Variants in ITSN1 observed in about 807,000 individuals in gnomAD.
ITSN1 encodes intersectin-1.
In ITSN1, 58 loss-of-function variants were observed where a neutral mutation model predicts 239.8. The ratio of observed to expected loss-of-function variants is 0.24; its 90% confidence interval spans 0.20 to 0.30. ITSN1 has a LOEUF of 0.30. ITSN1 is among the 10% of genes least tolerant of loss of function. The pLI, the probability that ITSN1 is intolerant of heterozygous loss-of-function variation, is 1.00. For synonymous variants in ITSN1, 780 were observed against 770.8 expected, an observed-to-expected ratio of 1.01 and a Z score of -0.20; for missense variants, 1,558 against 2,103.3, an observed-to-expected ratio of 0.74 and a Z score of 5.07.
chr21:33,789,790 A>G (rs2070962940), intron 16 of ITSN1, among the ~76,000 whole-genome samples: 1 of 152,248 alleles, frequency 6.6e-6, no homozygotes, highest in Non-Finnish European at 1.5e-5. Flanking sequence ...TTAGCAATAG[A>G]ACAAACTTCT....
At chr21:33,799,286 A>G (rs938184708) in intron 18 of ITSN1, among the ~76,000 whole-genome samples, 2 of 152,232 alleles carry the variant, frequency 1.3e-5, no homozygotes, top group East Asian at 1.9e-4. Flanking sequence ...GATTATCAGT[A>G]TAACCAAAAT....
chr21:33,744,820 T>A (rs1191993160), intron 5 of ITSN1, among the ~76,000 whole-genome samples: 2 of 152,246 alleles, frequency 1.3e-5, no homozygotes, highest in African/African-American at 4.8e-5. Flanking sequence ...TGTAAATTTA[T>A]GACTCAATAA....
At chr21:33,839,964 C>T (rs989445634) in intron 29 of ITSN1, among the ~76,000 whole-genome samples, 1 of 152,156 alleles carries the variant, frequency 6.6e-6, no homozygotes, top group Admixed American at 6.5e-5. Context: ...GTCACCAGAG[C>T]TGAGGTTGAG....
At chr21:33,801,259 GGT>G (rs1430774199) in intron 19 of ITSN1, among the ~76,000 whole-genome samples, 1 of 152,118 alleles carries the variant, frequency 6.6e-6, no homozygotes, top group East Asian at 1.9e-4. Flanking sequence ...TATAAAGGGT[GGT>G]GTACAGGTGA....
intron 5 of ITSN1, among the ~76,000 whole-genome samples, chr21:33,741,365 A>G (rs2066837342): frequency 6.6e-6 from 1 of 152,236 alleles, no homozygotes; most frequent in Non-Finnish European, 1.5e-5. Context: ...ATAATCTTAG[A>G]AAATTTTGGA....
At chr21:33,655,662 ACCCAAAGTGATCTGCCTGCTTTGACCT>A (rs2088994802) in intron 1 of ITSN1, among the ~76,000 whole-genome samples, 2 of 147,804 alleles carry the variant, frequency 1.4e-5, no homozygotes, top group South Asian at 4.2e-4. Context: ...TGAACGCCTG[ACCCAAAGTGATCTGCCTGCTTTGACCT>A]CCCAAAGTGC....
intron 12 of ITSN1, among the ~76,000 whole-genome samples, chr21:33,773,629 C>T (rs2069355251): frequency 6.6e-6 from 1 of 151,876 alleles, no homozygotes; most frequent in Non-Finnish European, 1.5e-5. Context: ...GCCTAGGTGA[C>T]AGAGCAAGAA....
At chr21:33,847,162 TTGAGA>T (rs1450446038) in intron 29 of ITSN1, among the ~76,000 whole-genome samples, 2 of 152,176 alleles carry the variant, frequency 1.3e-5, no homozygotes, top group Non-Finnish European at 2.9e-5. Context: ...GAAAGTTCCA[TTGAGA>T]TGAGAAGTCC....
chr21:33,706,307 C>A (rs116905642), intron 1 of ITSN1, among the ~76,000 whole-genome samples: 1 of 152,114 alleles, frequency 6.6e-6, no homozygotes, highest in Non-Finnish European at 1.5e-5. Context: ...GCATGAGCCA[C>A]CAAGTTTTTA....
chr21:33,767,857 C>A, intron 11 of ITSN1, 29 bp downstream of exon 11: 1 of 1,230,966 alleles, frequency 8.1e-7, no homozygotes, highest in South Asian at 1.3e-5. Context: ...TGAGTTAAAT[C>A]ATTTAGATTA....
In ITSN1 at chr21:33,693,709, C is replaced by G. The variant is rs150510953; in HGVS notation, c.-32-25088C>G. ...GCTGTTCCCACTTGTGTCTATATAG[C>G]ACTCCTAATTTAAATCATACACACT... On this transcript the variant is annotated intron_variant, in intron 1 of 39. Transcript: ENST00000381318. 8.9e-3 allele frequency among the ~76,000 whole-genome samples: 1,355 copies of G among 152,260 alleles called. 72 individuals are homozygous for G. Among genetic ancestry groups the G allele is most frequent in the Admixed American group, 0.078 (1,189 of 15,290 alleles).
intron 34 of ITSN1, among the ~76,000 whole-genome samples, chr21:33,879,266 G>A (rs1463240307): frequency 2.6e-5 from 4 of 152,130 alleles, no homozygotes; most frequent in South Asian, 2.1e-4. Context: ...CAGGAGGATC[G>A]CTTGAGCCCA....
intron 4 of ITSN1, among the ~76,000 whole-genome samples, chr21:33,731,417 T>A (rs1335873729): frequency 6.6e-6 from 1 of 152,228 alleles, no homozygotes; most frequent in Non-Finnish European, 1.5e-5. Context: ...TTTAAATAGT[T>A]GCGTATCTTT....
chr21:33,786,443 C>T (rs901210880), intron 16 of ITSN1, among the ~76,000 whole-genome samples: 25 of 152,198 alleles, frequency 1.6e-4, no homozygotes, highest in African/African-American at 6.0e-4. Context: ...GTTTTTCTTA[C>T]ACACAGTGCT....
chr21:33,884,588 G>A (rs927604062), intron 36 of ITSN1, among the ~76,000 whole-genome samples: 7 of 152,194 alleles, frequency 4.6e-5, no homozygotes, highest in East Asian at 1.9e-4. Context: ...AGAAAACCGC[G>A]GCCACAAATG....
intron 1 of ITSN1, among the ~76,000 whole-genome samples, chr21:33,671,474 C>T (rs1013955671): frequency 3.9e-5 from 6 of 151,970 alleles, no homozygotes; most frequent in African/African-American, 7.2e-5. Flanking sequence ...TTAGTAGACA[C>T]GGGTTTCACC....
chr21:33,780,359 G>A, intron 14 of ITSN1, among the ~76,000 whole-genome samples: 1 of 152,184 alleles, frequency 6.6e-6, no homozygotes, highest in Non-Finnish European at 1.5e-5. Flanking sequence ...AGAAAAGTAT[G>A]TAGTAGGTAA....
At chr21:33,755,507 TGTTTCCTTTGTCTCTG>T in intron 8 of ITSN1, 110 bp downstream of exon 8, 1 of 622,426 alleles carries the variant, frequency 1.6e-6, no homozygotes, top group Non-Finnish European at 2.8e-6. Context: ...TTCTTGGCAG[TGTTTCCTTTGTCTCTG>T]TTATCTCATG....
At chr21:33,795,574 T>G (rs1281029834) in intron 17 of ITSN1, among the ~76,000 whole-genome samples, 1 of 152,140 alleles carries the variant, frequency 6.6e-6, no homozygotes, top group African/African-American at 2.4e-5. Context: ...GTCTTCTGTT[T>G]GTTTTTCAGT....
Sources: allele counts gnomAD v4.1 joint callset (sites outside exome capture counted in the v4.1 genomes callset), GRCh38; gene constraint gnomAD v4.1.1; transcripts MANE v1.5; gene names NCBI Gene and HGNC (gene_info 2026-07-23, HGNC 2026-07-21).